The following CTIF variants were observed in gnomAD, a reference collection of about 807,000 sequenced individuals.
The protein encoded by CTIF is CBP80/20-dependent translation initiation factor.
A neutral mutation model predicts 66.0 loss-of-function variants in CTIF; 21 were observed. That is an observed-to-expected ratio of 0.32 (90% CI 0.23 to 0.46). The LOEUF (loss-of-function observed/expected upper bound fraction) is 0.46. Ranked by LOEUF, CTIF falls within the 20% of genes least tolerant of loss-of-function variation. The probability of loss-of-function intolerance (pLI) is 1.00; values close to 1 mark genes in which losing one functional copy is unlikely to be tolerated. For synonymous variants in CTIF, 345 were observed against 326.4 expected (o/e 1.06, Z -0.62); for missense variants, 739 against 812.7 (o/e 0.91, Z 1.10).
At chr18:48,650,249 G>A (rs2091130690) in intron 3 of CTIF, among the ~76,000 whole-genome samples, 1 of 152,156 alleles carries the variant, frequency 6.6e-6, no homozygotes, top group South Asian at 2.1e-4. Flanking sequence ...TTAGACAAAT[G>A]GCTAACTAGA....
intron 9 of CTIF, 142 bp from the exon 10 acceptor site, chr18:48,817,079 G>A (rs1479097950): frequency 1.8e-5 from 14 of 767,362 alleles, no homozygotes; most frequent in East Asian, 2.7e-5. Context: ...GTGCAATCAC[G>A]CACCCCCATC....
chr18:48,655,370 A>G (rs956049820), intron 3 of CTIF, among the ~76,000 whole-genome samples: 5 of 151,894 alleles, frequency 3.3e-5, no homozygotes, highest in Non-Finnish European at 4.4e-5. Flanking sequence ...GGAAGCAGAA[A>G]GCAGGTTGCA....
intron 1 of CTIF, among the ~76,000 whole-genome samples, chr18:48,592,531 C>T (rs1350078614): frequency 1.3e-5 from 2 of 150,276 alleles, no homozygotes; most frequent in Non-Finnish European, 3.0e-5. Context: ...AAAAAGAAAA[C>T]AGCTCTCCCT....
rs911135180 is a variant in CTIF at position 48,860,853 on chromosome 18, CGG to C, written c.*1297_*1298del. 3.3e-5 allele frequency: 5 copies of C among 152,228 alleles called. 1 individual carries two copies. Among genetic ancestry groups the C allele is most frequent in the African/African-American group, 1.2e-4 (5 of 41,444 alleles). 9.4% of individuals were successfully genotyped at this position (152,228 alleles called of 1,614,324 possible). A position where few individuals can be genotyped will look rare whatever the true frequency, so the allele number is the denominator to read the frequency against. On this transcript the variant is annotated 3_prime_UTR_variant, in exon 12 of 12. Transcript: ENST00000256413. ...GAAGCTTCCCAGCCGGGAAACAAGACGGGGTTTCTTGGCAGGCCCTGGTCCTG... is the reference window on the plus strand; with the variant it reads ...GAAGCTTCCCAGCCGGGAAACAAGACGGTTTCTTGGCAGGCCCTGGTCCTG...
Position 48,761,720 on chromosome 18 carries a change from G to A in CTIF, c.1371+31G>A, listed in dbSNP as rs370893758. The A allele has an allele frequency of 1.5e-5, 23 of 1,582,698 alleles. 1 individual carries two copies. The highest frequency in any genetic ancestry group is 4.5e-5 in the East Asian group (2 of 44,410). On this transcript the variant is annotated intron_variant, in intron 9 of 11. Coordinates refer to ENST00000256413, the MANE Select transcript of CTIF (RefSeq NM_014772.3). This position sits in a 1 kb window ranked among gnomAD's most constrained non-coding sequence, Gnocchi z 4.2. ...TGGACGCCGGCCACCACCGCCCCGC[G>A]CCCCCTGCCCCTCTGCGTTCGGTGA...
At chr18:48,783,299 T>C (rs573048042) in intron 9 of CTIF, among the ~76,000 whole-genome samples, 5 of 152,314 alleles carry the variant, frequency 3.3e-5, no homozygotes, top group African/African-American at 1.2e-4. Context: ...TGAAAAGTCG[T>C]CGACTGCCCT....
chr18:48,818,588 T>G (rs1177213169), intron 10 of CTIF, among the ~76,000 whole-genome samples: 1 of 151,760 alleles, frequency 6.6e-6, no homozygotes. Context: ...CTGGGAAGTA[T>G]CGATATGCAC....
intron 3 of CTIF, among the ~76,000 whole-genome samples, chr18:48,647,921 C>T (rs1246258752): frequency 1.3e-5 from 2 of 152,134 alleles, no homozygotes. Context: ...TCAAAGAAGG[C>T]CTCCCTGTGA....
At chr18:48,629,224 C>T (rs2090657973) in intron 2 of CTIF, among the ~76,000 whole-genome samples, 1 of 152,198 alleles carries the variant, frequency 6.6e-6, no homozygotes, top group South Asian at 2.1e-4. Context: ...GGCCTGTGGA[C>T]CCCCAAAATC....
intron 7 of CTIF, among the ~76,000 whole-genome samples, chr18:48,724,381 C>T (rs1037056275): frequency 6.6e-6 from 1 of 152,166 alleles, no homozygotes; most frequent in African/African-American, 2.4e-5. Context: ...CCTACCCTCC[C>T]ACCCACTGTC....
Position 48,820,286 on chromosome 18 carries a change from C to T in CTIF, c.1527+2910C>T, listed in dbSNP as rs117664966. On this transcript the variant is annotated intron_variant, in intron 10 of 11. Coordinates refer to ENST00000256413, the MANE Select transcript of CTIF (RefSeq NM_014772.3). ...TGCCTTTCGCAGCTCCGTAGGGACC[C>T]CTGAATTCTTCAAGCCATTTGCTGC... 5.3e-3 allele frequency among the ~76,000 whole-genome samples: 800 copies of T among 152,288 alleles called. 43 individuals are homozygous for T. In the East Asian group the frequency reaches 0.12, roughly 24 times the overall value.
chr18:48,626,174 G>A (rs972342219), intron 2 of CTIF, among the ~76,000 whole-genome samples: 13 of 150,818 alleles, frequency 8.6e-5, no homozygotes, highest in Admixed American at 4.6e-4. Flanking sequence ...GCTAATTTTC[G>A]TATTTTTAGT....
intron 7 of CTIF, among the ~76,000 whole-genome samples, chr18:48,721,876 AC>A (rs1471329940): frequency 6.6e-6 from 1 of 152,218 alleles, no homozygotes; most frequent in African/African-American, 2.4e-5. Flanking sequence ...CTTTAAGGGT[AC>A]ACAGTTTCTC....
intron 9 of CTIF, among the ~76,000 whole-genome samples, chr18:48,776,560 C>A (rs1416617662): frequency 1.3e-5 from 2 of 152,262 alleles, no homozygotes; most frequent in Non-Finnish European, 2.9e-5. Context: ...CTAATGTCAC[C>A]GTCTGAGCCT....
At chr18:48,616,301 A>C (rs1307322170) in intron 1 of CTIF, among the ~76,000 whole-genome samples, 7 of 152,170 alleles carry the variant, frequency 4.6e-5, no homozygotes, top group African/African-American at 1.7e-4. Context: ...TTTTATTCCC[A>C]TCCAGCGGAG....
chr18:48,757,060 G>A (rs1908436456), intron 7 of CTIF, among the ~76,000 whole-genome samples: 1 of 152,164 alleles, frequency 6.6e-6, no homozygotes, highest in Non-Finnish European at 1.5e-5. Context: ...TCCTTGGTTT[G>A]CAGATGGTCA....
intron 1 of CTIF, among the ~76,000 whole-genome samples, chr18:48,582,351 A>G (rs1051711978): frequency 2.6e-5 from 4 of 152,062 alleles, no homozygotes; most frequent in African/African-American, 4.8e-5. Flanking sequence ...GAAGAAGGGG[A>G]GAGGGAGACA....
chr18:48,781,771 A>G (rs1173296765), intron 9 of CTIF, among the ~76,000 whole-genome samples: 1 of 152,068 alleles, frequency 6.6e-6, no homozygotes, highest in Non-Finnish European at 1.5e-5. Context: ...AGTGCGGTAA[A>G]AGGCCTGGGT....
At position 48,752,997 on chromosome 18, in the gene CTIF, G is replaced by A. The variant is rs556472686; in HGVS notation, c.585-4922G>A. Among the ~76,000 whole-genome samples the A allele has an allele frequency of 3.3e-5, 5 of 152,274 alleles. No homozygotes were observed. The East Asian group carries it at 5.8e-4, about 18-fold the overall frequency. ...TTGTTCCTGGGTCCTATATGCCATC[G>A]CTCGACTAAGCAGCCCCTGAGCTGC... On this transcript the variant is annotated intron_variant, in intron 7 of 11. Coordinates refer to ENST00000256413, the MANE Select transcript of CTIF (RefSeq NM_014772.3).
Sources: allele counts gnomAD v4.1 joint callset (sites outside exome capture counted in the v4.1 genomes callset), GRCh38; gene constraint gnomAD v4.1.1; non-coding constraint Gnocchi (gnomAD v3.1); transcripts MANE v1.5; gene names NCBI Gene and HGNC (gene_info 2026-07-23, HGNC 2026-07-21).